The following B4GALNT4 variants were observed in gnomAD, a reference collection of about 807,000 sequenced individuals.
The protein encoded by B4GALNT4 is N-acetyl-beta-glucosaminyl-glycoprotein 4-beta-N-acetylgalactosaminyltransferase 1.
A neutral mutation model predicts 110.0 loss-of-function variants in B4GALNT4; 77 were observed. The ratio of observed to expected loss-of-function variants is 0.70; its 90% CI spans 0.58 to 0.85. The LOEUF (loss-of-function observed/expected upper bound fraction) is 0.85. B4GALNT4 is among the 40% of genes least tolerant of loss of function. The pLI is 0.00. For synonymous variants in B4GALNT4, 785 were observed against 655.5 expected, an observed-to-expected ratio of 1.20 and a Z score of -3.02; for missense variants, 1,575 against 1,506.0, an observed-to-expected ratio of 1.05 and a Z score of -0.76.
At position 379,653 on chromosome 11, in the gene B4GALNT4, C is replaced by G. The variant is rs1255412174; in HGVS notation, c.2440C>G (p.Leu814Val). The change falls in exon 15 of 20, where the codon CTG (leucine) becomes GTG (valine). Residue 814 changes from leucine (L) to valine (V), a missense_variant. Physicochemically the swap from Leu to Val is conservative, Grantham distance 32 (BLOSUM62 1). Transcript: ENST00000329962. ...CGGCCGCCCCGAGCTCTGCCGGCCA[C>G]TGCGCCTGGCCTGGCGCCAGGACGT... ...PDGRPELCRP[L>V]RLAWRQDVMV... 4.7e-6 allele frequency: 7 copies of G among 1,505,376 alleles called. No homozygotes were observed. Among genetic ancestry groups the G allele is most frequent in the Non-Finnish European group, 6.2e-6 (7 of 1,131,188 alleles). The allele number at this position is 1,505,376 out of a possible 1,614,324, so 93.3% of individuals were successfully genotyped here.
intron 7 of B4GALNT4, 24 bp from the exon 8 acceptor site, chr11:373,726 G>T (rs769324574): frequency 6.2e-7 from 1 of 1,610,864 alleles, no homozygotes; most frequent in Non-Finnish European, 8.5e-7. Flanking sequence ...TGCATGGCAC[G>T]ACCCTTGCTC....
In B4GALNT4 at chr11:369,988, C is replaced by CGCG. The variant is rs1564866388; in HGVS notation, c.151+35_151+36insCGG. The CGCG allele has an allele frequency of 2.6e-3, 100 of 37,782 alleles. 1 individual carries two copies. The East Asian group carries it at 0.032, about 12-fold the overall frequency. The allele number at this position is 37,782 out of a possible 1,614,324, so 2.3% of individuals were successfully genotyped here. A position where few individuals can be genotyped will look rare whatever the true frequency, so the allele number is the denominator to read the frequency against. On this transcript the variant is annotated intron_variant, in intron 1 of 19. Coordinates refer to ENST00000329962, the MANE Select transcript of B4GALNT4 (RefSeq NM_178537.5). Reference sequence around the variant, plus strand: ...CGGGGGGCGCGGGGGGCGCGGGGGGCGGGGGCGGCGCGGGGGGCGCGGGGG... The same window carrying CGCG: ...CGGGGGGCGCGGGGGGCGCGGGGGGCGCGGGGGGCGGCGCGGGGGGCGCGGGGG...
At chr11:381,190 C>G in intron 19 of B4GALNT4, 1 of 969,986 alleles carries the variant, frequency 1.0e-6, no homozygotes, top group Non-Finnish European at 1.2e-6. Flanking sequence ...GCTCTGCCCC[C>G]GATCCCATAG....
At chr11:379,795 T>C in intron 15 of B4GALNT4, 71 bp from the exon 16 acceptor site, 1 of 1,517,956 alleles carries the variant, frequency 6.6e-7, no homozygotes, top group Non-Finnish European at 8.8e-7. Context: ...GGGATGAAGT[T>C]CTTCGGAGCT....
intron 1 of B4GALNT4, among the ~76,000 whole-genome samples, chr11:370,293 A>AGG (rs1285201624): frequency 6.6e-6 from 1 of 151,862 alleles, no homozygotes; most frequent in Non-Finnish European, 1.5e-5. Context: ...CTCCTGGGGA[A>AGG]GTCTCTGCCC....
rs749534441 is a variant in B4GALNT4 at position 379,712 on chromosome 11, C to T, written c.2488+11C>T. ...ACTTCATCGTGCCAGGTTCGCAGGG[C>T]GGGCTCGGGGTGTCCGGGAGACCTC... is the stretch of plus-strand genomic sequence containing the variant. On this transcript the variant is annotated intron_variant, in intron 15 of 19. Coordinates refer to ENST00000329962, the MANE Select transcript of B4GALNT4 (RefSeq NM_178537.5). 59 of 1,500,534 alleles carry T rather than the reference C, an allele frequency of 3.9e-5. No homozygotes were observed. The highest frequency in any genetic ancestry group is 1.8e-4 in the Middle Eastern group (1 of 5,556). 93.0% of individuals were successfully genotyped at this position (1,500,534 alleles called of 1,614,324 possible).
In B4GALNT4 at chr11:376,309, G is replaced by C; in HGVS notation, c.1255G>C (p.Asp419His). The C allele has an allele frequency of 6.2e-7, 1 of 1,610,458 alleles. No individual in the cohort carries two copies. The highest frequency in any genetic ancestry group is 8.5e-7 in the Non-Finnish European group (1 of 1,178,572). ...GGAGGAGGGGGATGAGGATGAAGAA[G>C]ACGAGGTGCAGCGCCGAGCCTTCCT... ...DKEEGDEDEE[D>H]EVQRRAFLFL... The change falls in exon 13 of 20, where the codon GAC (aspartate) becomes CAC (histidine). Residue 419 changes from aspartate to histidine, a missense_variant. Physicochemically the swap from Asp to His is moderately conservative, Grantham distance 81. Coordinates refer to ENST00000329962, the MANE Select transcript of B4GALNT4 (RefSeq NM_178537.5).
Position 375,696 on chromosome 11 carries a change from A to C in B4GALNT4, c.908A>C (p.His303Pro), listed in dbSNP as rs1846730808. The change falls in exon 10 of 20, where the codon CAC (histidine) becomes CCC (proline). Residue 303 changes from histidine to proline, a missense_variant. His to Pro is a moderately conservative substitution (Grantham distance 77). Transcript: ENST00000329962. The stretch of plus-strand genomic sequence containing the variant: ...CACGTCCCCCAGTCTCCAGCCAGCC[A>C]CGTGGGGGGGCGTCCGCCGCAGGAG... ...VAHVPQSPAS[H>P]VGGRPPQEET... 2 of 1,594,160 alleles carry C rather than the reference A, an allele frequency of 1.3e-6. No individual in the cohort carries two copies. Among genetic ancestry groups the C allele is most frequent in the African/African-American group, 2.7e-5 (2 of 74,734 alleles).
At chr11:374,467 T>C (rs1021705838) in intron 8 of B4GALNT4, among the ~76,000 whole-genome samples, 3 of 147,962 alleles carry the variant, frequency 2.0e-5, no homozygotes, top group African/African-American at 7.5e-5. Context: ...TCACCCCAGC[T>C]CAGCTGGGCA....
Position 379,467 on chromosome 11 carries a change from G to T in B4GALNT4, c.2254G>T (p.Ala752Ser), listed in dbSNP as rs1846825499. Residue 752 changes from alanine to serine, a missense_variant, in exon 15 of 20, where the codon GCG becomes TCG. Ala to Ser is a moderately conservative substitution (Grantham distance 99). Coordinates refer to ENST00000329962, the MANE Select transcript of B4GALNT4 (RefSeq NM_178537.5). ...GAACGTGGAGAAGCGCCGGGACTCG[G>T]CGCGAGGGAGTCGCTTCCTGCTGGA... ...IVNVEKRRDS[A>S]RGSRFLLELE... The T allele has an allele frequency of 6.4e-7, 1 of 1,558,542 alleles. No homozygotes were observed. Among genetic ancestry groups the T allele is most frequent in the Non-Finnish European group, 8.6e-7 (1 of 1,160,002 alleles).
rs1430959104 is a variant in B4GALNT4 at position 375,495 on chromosome 11, T to A, written c.818T>A (p.Val273Asp). 1 of 1,611,648 alleles carries A rather than the reference T, an allele frequency of 6.2e-7. No individual in the cohort carries two copies. Among genetic ancestry groups the A allele is most frequent in the Non-Finnish European group, 8.5e-7 (1 of 1,179,766 alleles). The stretch of plus-strand genomic sequence containing the variant: ...TTCCTGCCCGGCCTGAAGTTCGAGG[T>A]CATCAGCTCTGCTCACATCTCCCTG... ...RAFLPGLKFE[V>D]ISSAHISLYT... The change falls in exon 9 of 20, where the codon GTC becomes GAC. Residue 273 changes from valine (V) to aspartate (D), a missense_variant. Transcript: ENST00000329962.
rs531805979 is a variant in B4GALNT4 at position 373,376 on chromosome 11, C to T, written c.637-73C>T. The T allele has an allele frequency of 8.3e-5, 130 of 1,562,588 alleles. No homozygotes were observed. The South Asian group carries it at 8.6e-4, about 10-fold the overall frequency. On this transcript the variant is annotated intron_variant, in intron 6 of 19. Transcript: ENST00000329962. ...CACCAGCCTCTTGGGAATGAGGACC[C>T]GATGGGTTTGGTGTCCCCAGGGAGA...
intron 1 of B4GALNT4, among the ~76,000 whole-genome samples, chr11:371,607 A>G (rs1252064072): frequency 1.3e-5 from 2 of 152,250 alleles, no homozygotes. Context: ...CTCAGTCCAG[A>G]CTTTGAGAGC....
In B4GALNT4 at chr11:372,146, G is replaced by T. The variant is rs1056814520; in HGVS notation, c.189G>T (p.Gly63=). The T allele has an allele frequency of 6.5e-7, 1 of 1,549,772 alleles. No homozygotes were observed. The highest frequency in any genetic ancestry group is 1.4e-5 in the African/African-American group (1 of 73,040). Residue 63 remains glycine, a synonymous_variant, in exon 2 of 20, where the codon GGG becomes GGT. Coordinates refer to ENST00000329962, the MANE Select transcript of B4GALNT4 (RefSeq NM_178537.5). ...EKLTSETDGR[G]VHAAPSTQRA... is the part of the protein sequence containing the mutation. ...TGACCAGTGAGACCGACGGCCGGGG[G>T]GTCCACGCTGCGCCATCCACACAGA... is the stretch of plus-strand genomic sequence containing the variant.
In B4GALNT4 at chr11:376,796, G is replaced by A. The variant is rs900760671; in HGVS notation, c.1673G>A (p.Arg558Lys). 6 of 1,389,240 alleles carry A rather than the reference G, an allele frequency of 4.3e-6. No homozygotes were observed. In the African/African-American group the frequency reaches 7.7e-5, roughly 18 times the overall value. The allele number at this position is 1,389,240 out of a possible 1,614,324, so 86.1% of individuals were successfully genotyped here. ...TTCCCTGGCGTCTTCCTGCACCCCAGGCCTCTGCCCAGAGTGCAGCTGCGG... is the reference window on the plus strand; with the variant it reads ...TTCCCTGGCGTCTTCCTGCACCCCAAGCCTCTGCCCAGAGTGCAGCTGCGG... Reference protein sequence around the residue: ...PPFPGVFLHPRPLPRVQLRAP... With the variant: ...PPFPGVFLHPKPLPRVQLRAP... Residue 558 changes from arginine (R) to lysine (K), a missense_variant, in exon 14 of 20, where the codon AGG becomes AAG. Physicochemically the swap from Arg to Lys is conservative, Grantham distance 26. Transcript: ENST00000329962.
chr11:377,375 C>A (rs1216808960), intron 14 of B4GALNT4, 48 bp downstream of exon 14: 1 of 1,447,330 alleles, frequency 6.9e-7, no homozygotes, highest in South Asian at 1.4e-5. Context: ...GAGGCGGGGA[C>A]AGCCGGGGAG....
chr11:378,040 C>A (rs902807176), intron 14 of B4GALNT4, among the ~76,000 whole-genome samples: 4 of 152,002 alleles, frequency 2.6e-5, no homozygotes, highest in Non-Finnish European at 4.4e-5. Context: ...GAGGCAGAAC[C>A]GGGACTGTTT....
chr11:372,732 A>G lies in B4GALNT4; in HGVS notation c.326A>G (p.Gln109Arg). 2 of 1,589,328 alleles carry G rather than the reference A, an allele frequency of 1.3e-6. No homozygotes were observed. Among genetic ancestry groups the G allele is most frequent in the Admixed American group, 1.7e-5 (1 of 58,800 alleles). Residue 109 changes from glutamine (Q) to arginine (R), a missense_variant, in exon 3 of 20, where the codon CAG becomes CGG. Physicochemically the swap from Gln to Arg is conservative, Grantham distance 43. Transcript: ENST00000329962. Reference protein sequence around the residue: ...AGRLPLNFTHQTPPWREEYKG... With the variant: ...AGRLPLNFTHRTPPWREEYKG... The stretch of plus-strand genomic sequence containing the variant: ...AGGCTGCCACTGAACTTCACCCATC[A>G]GACACCCCCATGGCGGGAGGAGGTG...
At chr11:372,496 G>A (rs993620902) in intron 2 of B4GALNT4, among the ~76,000 whole-genome samples, 166 bp from the exon 3 acceptor site, 10 of 151,980 alleles carry the variant, frequency 6.6e-5, no homozygotes, top group Non-Finnish European at 1.3e-4. Context: ...GTGTCTGAGT[G>A]TATGTGCCAG....
Sources: gnomAD v4.1 joint callset for allele counts (sites outside exome capture counted in the v4.1 genomes callset) on GRCh38, gnomAD v4.1.1 for gene constraint, MANE v1.5 for transcripts, NCBI Gene and HGNC (gene_info 2026-07-23, HGNC 2026-07-21) for gene names.